Variants in VCP observed in about 807,000 individuals in gnomAD.
VCP encodes transitional endoplasmic reticulum ATPase.
VCP carries 6 observed loss-of-function variants against 85.7 expected under a neutral mutation model. That is an observed-to-expected ratio of 0.07 (90% confidence interval 0.04 to 0.14). The LOEUF (loss-of-function observed/expected upper bound fraction) is 0.14, where lower values mean the gene tolerates loss of function less well. VCP is among the 10% of genes least tolerant of loss of function. VCP has a pLI of 1.00. For missense variants in VCP, 353 were observed against 1,043.4 expected, an observed-to-expected ratio of 0.34 and a Z score of 9.12; for synonymous variants, 384 against 367.1, an observed-to-expected ratio of 1.05 and a Z score of -0.53.
At chr9:35,057,611 T>G (rs1319753199) in intron 15 of VCP, 81 bp from the exon 16 acceptor site, 3 of 1,569,478 alleles carry the variant, frequency 1.9e-6, no homozygotes, top group South Asian at 1.1e-5. Context: ...TACTGCAGTT[T>G]ATTGGTCTCC....
intron 1 of VCP, chr9:35,071,706 C>T (rs936928310): frequency 3.0e-6 from 3 of 985,474 alleles, no homozygotes; most frequent in Non-Finnish European, 3.6e-6. Flanking sequence ...TAGGGCTCGC[C>T]CTCTCCCTAA....
At chr9:35,057,554 C>G (rs780306937) in intron 15 of VCP, 24 bp from the exon 16 acceptor site, 5 of 1,604,448 alleles carry the variant, frequency 3.1e-6, no homozygotes, top group Non-Finnish European at 4.2e-6. Context: ...ACACAGATCA[C>G]TAGGGCTAGT....
chr9:35,064,383 C>G, intron 5 of VCP, 98 bp from the exon 6 acceptor site: 1 of 1,520,360 alleles, frequency 6.6e-7, no homozygotes, highest in South Asian at 1.1e-5. Flanking sequence ...GTGCAAAAAC[C>G]TACCGTATAA....
Position 35,065,391 on chromosome 9 carries a change from CA to C in VCP, c.446-11del. The C allele has an allele frequency of 6.2e-7, 1 of 1,614,134 alleles. No homozygotes were observed. The highest frequency in any genetic ancestry group is 1.7e-4 in the Middle Eastern group (1 of 6,060). Reference sequence around the variant, plus strand: ...ACAAGAAAAATGTCTCCTGCGAGAGCAAACAGTACAAGCACAGTTAGAGGTG... The same window carrying C: ...ACAAGAAAAATGTCTCCTGCGAGAGCAACAGTACAAGCACAGTTAGAGGTG... On this transcript the variant is annotated splice_polypyrimidine_tract_variant and intron_variant, in intron 4 of 16. Coordinates refer to ENST00000358901, the MANE Select transcript of VCP (RefSeq NM_007126.5).
At chr9:35,062,903 T>C (rs1828754134) in intron 7 of VCP, 75 bp downstream of exon 7, 1 of 1,414,056 alleles carries the variant, frequency 7.1e-7, no homozygotes, top group African/African-American at 1.4e-5. Flanking sequence ...AAAGGATGTG[T>C]TCATAAGTGC....
Position 35,057,179 on chromosome 9 carries a change from T to C in VCP, c.2359A>G (p.Ser787Gly). Reference sequence around the variant, plus strand: ...ACACTGCCACCTGTGCCGCCTCCACTGCCCTGACTGGGGCCAGCTCCACCC... The same window carrying C: ...ACACTGCCACCTGTGCCGCCTCCACCGCCCTGACTGGGGCCAGCTCCACCC... ...NQGGAGPSQGSGGGTGGSVYT... is the reference protein window; with the variant it reads ...NQGGAGPSQGGGGGTGGSVYT... The change falls in exon 17 of 17, where the codon AGT becomes GGT. Residue 787 changes from serine (S) to glycine (G), a missense_variant. Ser to Gly is a moderately conservative substitution (Grantham distance 56). Around this residue, in one of 8 missense-constraint regions of VCP, gnomAD observed 93 missense variants for 197.1 expected, o/e 0.47. Coordinates refer to ENST00000358901, the MANE Select transcript of VCP (RefSeq NM_007126.5). 1 of 1,614,202 alleles carries C rather than the reference T, an allele frequency of 6.2e-7. No individual in the cohort carries two copies. Among genetic ancestry groups the C allele is most frequent in the Non-Finnish European group, 8.5e-7 (1 of 1,180,022 alleles).
intron 13 of VCP, 53 bp downstream of exon 13, chr9:35,060,260 C>G (rs1225925133): frequency 1.3e-6 from 2 of 1,587,248 alleles, no homozygotes; most frequent in Non-Finnish European, 1.7e-6. Context: ...AAAACAGCCT[C>G]TATTCCTTGC....
chr9:35,071,977 T>C (rs1356721703), intron 1 of VCP: 4 of 1,089,116 alleles, frequency 3.7e-6, no homozygotes, highest in African/African-American at 1.7e-5. Flanking sequence ...GACGGCAGAC[T>C]GGCGCCCCAA....
chr9:35,067,450 G>C (rs1418867059), intron 3 of VCP, among the ~76,000 whole-genome samples: 1 of 152,004 alleles, frequency 6.6e-6, no homozygotes, highest in Non-Finnish European at 1.5e-5. Context: ...TAACTTAGGG[G>C]CTTAAAAGAC....
intron 5 of VCP, among the ~76,000 whole-genome samples, chr9:35,064,894 G>A (rs1828797489): frequency 6.6e-6 from 1 of 152,130 alleles, no homozygotes; most frequent in Non-Finnish European, 1.5e-5. Context: ...TTGAGACAGA[G>A]TCTCACTCTG....
intron 6 of VCP, among the ~76,000 whole-genome samples, chr9:35,063,303 A>G (rs1828762902): frequency 6.6e-6 from 1 of 152,238 alleles, no homozygotes; most frequent in Non-Finnish European, 1.5e-5. Flanking sequence ...TATGATTGCA[A>G]CTTGCATAGG....
chr9:35,065,470 G>C (rs186741682), intron 4 of VCP, 89 bp from the exon 5 acceptor site: 1 of 1,567,202 alleles, frequency 6.4e-7, no homozygotes, highest in East Asian at 2.3e-5. Context: ...AAAATGCCAA[G>C]CTCATTAGAT....
chr9:35,064,351 C>G lies in VCP; in HGVS notation c.577-66G>C, dbSNP rs1828786474. On this transcript the variant is annotated intron_variant, in intron 5 of 16. Coordinates refer to ENST00000358901, the MANE Select transcript of VCP (RefSeq NM_007126.5). The stretch of plus-strand genomic sequence containing the variant: ...TTATATCAGCAAAAGCTGAGTTTCT[C>G]TAAATCATTCCACTACCTAGTGTGC... 9.4e-6 allele frequency: 15 copies of G among 1,600,684 alleles called. No homozygotes were observed. In the East Asian group the frequency reaches 1.6e-4, roughly 17 times the overall value.
At position 35,061,153 on chromosome 9, in the gene VCP, C is replaced by G; in HGVS notation, c.1221G>C (p.Val407=). ...AGCACAGGGCTGCTAAGTCAGCACCCACATGCCCGTGAGTCTCATTGGCTA... is the reference window on the plus strand; with the variant it reads ...AGCACAGGGCTGCTAAGTCAGCACCGACATGCCCGTGAGTCTCATTGGCTA... ...EQVANETHGH[V]GADLAALCSE... The change falls in exon 11 of 17, where the codon GTG becomes GTC. Residue 407 remains valine, a synonymous_variant. Coordinates refer to ENST00000358901, the MANE Select transcript of VCP (RefSeq NM_007126.5). 3.7e-6 allele frequency: 6 copies of G among 1,613,668 alleles called. No individual in the cohort carries two copies. Among genetic ancestry groups the G allele is most frequent in the Non-Finnish European group, 4.2e-6 (5 of 1,180,018 alleles).
At chr9:35,065,450 C>T (rs774362761) in intron 4 of VCP, 69 bp from the exon 5 acceptor site, 12 of 1,606,334 alleles carry the variant, frequency 7.5e-6, no homozygotes, top group South Asian at 2.2e-5. Context: ...ACTCATCAGA[C>T]CCTGGGGTCA....
intron 9 of VCP, 124 bp downstream of exon 9, chr9:35,061,879 G>A (rs1828728431): frequency 2.3e-5 from 36 of 1,558,422 alleles, no homozygotes; most frequent in Non-Finnish European, 2.8e-5. Context: ...CAGGACGTAG[G>A]GTAAAGGAAA....
At chr9:35,057,560 CTAGT>C (rs1828635510) in intron 15 of VCP, 30 bp from the exon 16 acceptor site, 2 of 1,603,174 alleles carry the variant, frequency 1.2e-6, no homozygotes, top group Non-Finnish European at 8.5e-7. Context: ...ATCACTAGGG[CTAGT>C]TAAAGCCCAG....
rs141275388 is a variant in VCP at position 35,059,601 on chromosome 9, G to T, written c.1896C>A (p.Ala632=). ...GATCAAGACGGCCAGGTCTGAGGAT[G>T]GCAGGATCAATGATGTCAGGCCGGT... is the stretch of plus-strand genomic sequence containing the variant. ...ATNRPDIIDP[A]ILRPGRLDQL... The change falls in exon 14 of 17, where the codon GCC becomes GCA. Residue 632 remains alanine, a synonymous_variant. Transcript: ENST00000358901. This position sits in a 1 kb window ranked among gnomAD's most constrained non-coding sequence, Gnocchi z 4.9. 26 of 1,614,166 alleles carry T rather than the reference G, an allele frequency of 1.6e-5. No individual in the cohort carries two copies. The African/African-American group carries it at 3.3e-4, about 21-fold the overall frequency.
intron 15 of VCP, among the ~76,000 whole-genome samples, chr9:35,058,501 G>A (rs1401272955): frequency 1.3e-5 from 2 of 152,132 alleles, no homozygotes; most frequent in Non-Finnish European, 2.9e-5. Context: ...TGTGGTTCAC[G>A]CCTGTAATCC....
Sources: allele counts gnomAD v4.1 joint callset (sites outside exome capture counted in the v4.1 genomes callset), GRCh38; gene constraint gnomAD v4.1.1; regional missense constraint gnomAD v4.1.1; non-coding constraint Gnocchi (gnomAD v3.1); transcripts MANE v1.5; gene names NCBI Gene and HGNC (gene_info 2026-07-23, HGNC 2026-07-21).